ADAMTS18: variants seen among roughly 807,000 people sequenced by gnomAD.
ADAMTS18 encodes A disintegrin and metalloproteinase with thrombospondin motifs 18.
In ADAMTS18, 157 loss-of-function variants were observed where a neutral mutation model predicts 165.9. That is an observed-to-expected ratio of 0.95 (90% CI 0.83 to 1.08). ADAMTS18 has a LOEUF of 1.08. Among genes scored for constraint, ADAMTS18 ranks in the 50% least tolerant of loss-of-function variants. ADAMTS18 has a pLI of 0.00. For synonymous variants in ADAMTS18, 782 were observed against 578.2 expected, an observed-to-expected ratio of 1.35 and a Z score of -5.06; for missense variants, 2,040 against 1,534.0, an observed-to-expected ratio of 1.33 and a Z score of -5.51.
intron 3 of ADAMTS18, among the ~76,000 whole-genome samples, chr16:77,384,120 G>A (rs1054690095): frequency 6.6e-6 from 1 of 152,110 alleles, no homozygotes; most frequent in Non-Finnish European, 1.5e-5. Flanking sequence ...GCTGGTAGGA[G>A]CTCTGTAAAT....
chr16:77,318,282 C>T (rs1597115349), intron 16 of ADAMTS18, among the ~76,000 whole-genome samples: 1 of 152,254 alleles, frequency 6.6e-6, no homozygotes, highest in Admixed American at 6.5e-5. Flanking sequence ...CTCTAGTAGG[C>T]TTTGTACCTC....
At chr16:77,290,206 AAGAT>A (rs780066415) in intron 21 of ADAMTS18, among the ~76,000 whole-genome samples, 31 of 152,126 alleles carry the variant, frequency 2.0e-4, no homozygotes, top group Non-Finnish European at 3.7e-4. Flanking sequence ...TTTAAAGGGG[AAGAT>A]AGATAGTAAA....
rs984396385 is a variant in ADAMTS18 at position 77,283,094 on chromosome 16, A to T, written c.*862T>A. The T allele has an allele frequency of 2.6e-5, 4 of 152,302 alleles. No individual in the cohort carries two copies. The highest frequency in any genetic ancestry group is 2.6e-4 in the Admixed American group (4 of 15,246). 9.4% of individuals were successfully genotyped at this position (152,302 alleles called of 1,614,324 possible). A position where few individuals can be genotyped will look rare whatever the true frequency, so the allele number is the denominator to read the frequency against. ...TGTTTTGTCATTTAGCTCCTCCTAG[A>T]TATTTTTTAAATACCAGAAATGGGT... On this transcript the variant is annotated 3_prime_UTR_variant, in exon 23 of 23. Coordinates refer to ENST00000282849, the MANE Select transcript of ADAMTS18 (RefSeq NM_199355.4).
chr16:77,337,642 A>G (rs927948534), intron 11 of ADAMTS18, among the ~76,000 whole-genome samples: 5 of 152,110 alleles, frequency 3.3e-5, no homozygotes, highest in African/African-American at 1.2e-4. Flanking sequence ...TTCTAATCTA[A>G]TTTCTTTTTG....
chr16:77,370,790 G>GATAT lies in ADAMTS18; in HGVS notation c.496-3071_496-3068dup, dbSNP rs148727471. Among the ~76,000 whole-genome samples the GATAT allele has an allele frequency of 7.0e-3, 1,031 of 147,056 alleles. 10 individuals carry two copies. Among genetic ancestry groups the GATAT allele is most frequent in the Non-Finnish European group, 9.7e-3 (647 of 66,880 alleles). ...AAACAATCCCATTTATAATAGCTAC[G>GATAT]ATATATATATATATATACATATACA... is the stretch of plus-strand genomic sequence containing the variant. On this transcript the variant is annotated intron_variant, in intron 3 of 22. Coordinates refer to ENST00000282849, the MANE Select transcript of ADAMTS18 (RefSeq NM_199355.4).
rs373078127 is a variant in ADAMTS18, at chr16:77,294,890, G to T, written c.3006+33C>A. 1.5e-5 allele frequency: 24 copies of T among 1,608,680 alleles called. No homozygotes were observed. The African/African-American group carries it at 1.7e-4, about 12-fold the overall frequency. On this transcript the variant is annotated intron_variant, in intron 19 of 22. Transcript: ENST00000282849. The stretch of plus-strand genomic sequence containing the variant: ...CTCTACTTTTGCCTTCATGGGGACC[G>T]AGAATAGTAACTCCCAAGTTTTCTC...
chr16:77,386,500 G>A (rs2057109636), intron 3 of ADAMTS18, among the ~76,000 whole-genome samples: 1 of 152,100 alleles, frequency 6.6e-6, no homozygotes, highest in African/African-American at 2.4e-5. Context: ...TCCATTTTGT[G>A]TGTACAACTG....
At chr16:77,386,506 A>T (rs758452670) in intron 3 of ADAMTS18, among the ~76,000 whole-genome samples, 12 of 152,198 alleles carry the variant, frequency 7.9e-5, no homozygotes, top group Non-Finnish European at 1.6e-4. Context: ...TTGTGTGTAC[A>T]ACTGCTGGGC....
chr16:77,302,815 T>C (rs533843466), intron 16 of ADAMTS18, among the ~76,000 whole-genome samples: 3 of 152,194 alleles, frequency 2.0e-5, no homozygotes, highest in South Asian at 2.1e-4. Context: ...AAGCCATACA[T>C]GGCCTGTGGT....
intron 17 of ADAMTS18, 99 bp downstream of exon 17, chr16:77,300,164 G>A: frequency 7.2e-7 from 1 of 1,396,348 alleles, no homozygotes; most frequent in Non-Finnish European, 1.0e-6. Context: ...ACAGTTCTTG[G>A]GTGGCTTATT....
chr16:77,426,969 A>G (rs1482633801), intron 3 of ADAMTS18, among the ~76,000 whole-genome samples: 3 of 152,196 alleles, frequency 2.0e-5, no homozygotes, highest in Non-Finnish European at 4.4e-5. Flanking sequence ...AGCCATGATT[A>G]TACCACTGTA....
intron 15 of ADAMTS18, among the ~76,000 whole-genome samples, chr16:77,320,554 G>A (rs1248670338): frequency 6.6e-6 from 1 of 151,918 alleles, no homozygotes; most frequent in Non-Finnish European, 1.5e-5. Context: ...CAGGAGAATT[G>A]CTTGAACCTG....
rs758006175 is a variant in ADAMTS18, at chr16:77,291,247, T to C, written c.3402+19A>G. 1.9e-6 allele frequency: 3 copies of C among 1,613,144 alleles called. No individual in the cohort carries two copies. The South Asian group carries it at 3.3e-5, about 18-fold the overall frequency. ...ACATCTCACTTGAATAGACACCTCCTCAATCGGCCTGTACCCACCTGCTGC... is the reference window on the plus strand; with the variant it reads ...ACATCTCACTTGAATAGACACCTCCCCAATCGGCCTGTACCCACCTGCTGC... On this transcript the variant is annotated intron_variant, in intron 21 of 22. Coordinates refer to ENST00000282849, the MANE Select transcript of ADAMTS18 (RefSeq NM_199355.4).
intron 21 of ADAMTS18, 167 bp from the exon 22 acceptor site, chr16:77,289,578 G>T: frequency 1.3e-6 from 1 of 762,038 alleles, no homozygotes; most frequent in Non-Finnish European, 2.2e-6. Context: ...ATCCTAACAA[G>T]TGTGATCCCT....
chr16:77,336,060 C>G (rs910765669), intron 11 of ADAMTS18, among the ~76,000 whole-genome samples, 156 bp from the exon 12 acceptor site: 8 of 152,200 alleles, frequency 5.3e-5, no homozygotes, highest in African/African-American at 1.7e-4. Flanking sequence ...GCTCTAAAAA[C>G]ACTCAACTAC....
intron 9 of ADAMTS18, among the ~76,000 whole-genome samples, chr16:77,354,298 G>C (rs1289462419): frequency 6.6e-6 from 1 of 152,134 alleles, no homozygotes; most frequent in Non-Finnish European, 1.5e-5. Flanking sequence ...TGTCTTCATG[G>C]AGTTTTAAAT....
intron 22 of ADAMTS18, among the ~76,000 whole-genome samples, chr16:77,285,926 A>G (rs1164109577): frequency 6.6e-6 from 1 of 152,042 alleles, no homozygotes; most frequent in African/African-American, 2.4e-5. Flanking sequence ...GACAACCTGC[A>G]CTCCTTTCAC....
intron 21 of ADAMTS18, chr16:77,290,875 G>C (rs2055348651): frequency 3.8e-6 from 1 of 263,258 alleles, no homozygotes; most frequent in Admixed American, 6.8e-5. Context: ...CTATTACATT[G>C]TTCAGAAACA....
intron 3 of ADAMTS18, among the ~76,000 whole-genome samples, chr16:77,415,998 T>C (rs957923952): frequency 9.2e-5 from 14 of 152,200 alleles, no homozygotes; most frequent in African/African-American, 3.4e-4. Flanking sequence ...TCAGCCCTCA[T>C]GGAGCTGATA....
Sources: gnomAD v4.1 joint callset for allele counts (sites outside exome capture counted in the v4.1 genomes callset) on GRCh38, gnomAD v4.1.1 for gene constraint, MANE v1.5 for transcripts, NCBI Gene and HGNC (gene_info 2026-07-23, HGNC 2026-07-21) for gene names.